The following FNDC3A variants were observed in gnomAD, a reference collection of about 807,000 sequenced individuals.
FNDC3A encodes fibronectin type-III domain-containing protein 3A.
Under a neutral mutation model 148.9 loss-of-function variants are expected in FNDC3A, and 32 were observed. The observed-to-expected ratio is 0.21, with a 90% CI of 0.16 to 0.29. The LOEUF is 0.29. Among genes scored for constraint, FNDC3A ranks in the 10% least tolerant of loss-of-function variants. The probability of loss-of-function intolerance (pLI) is 1.00; values close to 1 mark genes in which losing one functional copy is unlikely to be tolerated. For synonymous variants in FNDC3A, 472 were observed against 473.6 expected (o/e 1.00, Z 0.04); for missense variants, 1,191 against 1,452.8 (o/e 0.82, Z 2.93).
intron 1 of FNDC3A, among the ~76,000 whole-genome samples, chr13:48,997,400 G>A (rs559544127): frequency 6.6e-6 from 1 of 152,350 alleles, no homozygotes; most frequent in East Asian, 1.9e-4. Context: ...CAGCGGCTGA[G>A]TGAGAAAGCA....
intron 1 of FNDC3A, among the ~76,000 whole-genome samples, chr13:48,995,090 T>C (rs1344302488): frequency 6.6e-6 from 1 of 152,190 alleles, no homozygotes; most frequent in East Asian, 1.9e-4. Context: ...TTAAAACAAC[T>C]AATAATAATA....
At chr13:49,202,068 T>C in intron 24 of FNDC3A, 102 bp downstream of exon 24, 1 of 697,438 alleles carries the variant, frequency 1.4e-6, no homozygotes, top group Non-Finnish European at 2.2e-6. Context: ...GCATCCAGTA[T>C]ATGTCCACCA....
intron 7 of FNDC3A, among the ~76,000 whole-genome samples, chr13:49,142,968 A>C (rs1162937594): frequency 6.6e-6 from 1 of 152,038 alleles, no homozygotes. Context: ...CCCAGGTTCA[A>C]GTGATTCTTG....
chr13:49,067,848 A>C (rs1018915988), intron 2 of FNDC3A, among the ~76,000 whole-genome samples: 1 of 152,178 alleles, frequency 6.6e-6, no homozygotes, highest in African/African-American at 2.4e-5. Flanking sequence ...CTTGTGCTTT[A>C]TCTCCATGCT....
intron 3 of FNDC3A, among the ~76,000 whole-genome samples, chr13:49,107,265 G>A (rs9526522): frequency 6.6e-6 from 1 of 152,202 alleles, no homozygotes; most frequent in African/African-American, 2.4e-5. Flanking sequence ...ATGTTAGAAA[G>A]TAGAGTTATA....
intron 14 of FNDC3A, among the ~76,000 whole-genome samples, chr13:49,181,364 C>T (rs555629370): frequency 6.6e-6 from 1 of 152,288 alleles, no homozygotes; most frequent in East Asian, 1.9e-4. Context: ...CGCCTGAGAA[C>T]TTGTTAGAAA....
At chr13:49,147,322 A>G (rs913571023) in intron 8 of FNDC3A, among the ~76,000 whole-genome samples, 2 of 152,148 alleles carry the variant, frequency 1.3e-5, no homozygotes, top group African/African-American at 4.8e-5. Context: ...TACAGGAATT[A>G]AGGTCTCTAA....
intron 2 of FNDC3A, among the ~76,000 whole-genome samples, chr13:49,033,084 C>T (rs1874243999): frequency 6.6e-6 from 1 of 152,054 alleles, no homozygotes; most frequent in Non-Finnish European, 1.5e-5. Context: ...GGGATTTGTA[C>T]ACTGATGCTT....
chr13:49,096,984 G>A lies in FNDC3A; in HGVS notation c.176-17671G>A, dbSNP rs74072710. Among the ~76,000 whole-genome samples, 263 of 152,146 alleles carry A rather than the reference G, an allele frequency of 1.7e-3. 1 individual carries two copies. The highest frequency in any genetic ancestry group is 6.0e-3 in the African/African-American group (250 of 41,532). On this transcript the variant is annotated intron_variant, in intron 3 of 25. Transcript: ENST00000492622. ...CAAGCACACACAGATTAGAGGAAAC[G>A]GAAAAACTGTGATTAGAGAGGTAGC...
At chr13:49,203,357 G>C in intron 25 of FNDC3A, 73 bp downstream of exon 25, 1 of 1,131,964 alleles carries the variant, frequency 8.8e-7, no homozygotes, top group Non-Finnish European at 1.3e-6. Context: ...TTCAGTGTAA[G>C]ATTTGGCCAT....
intron 25 of FNDC3A, among the ~76,000 whole-genome samples, chr13:49,204,095 G>A (rs1886539481): frequency 6.6e-6 from 1 of 152,166 alleles, no homozygotes; most frequent in Non-Finnish European, 1.5e-5. Flanking sequence ...ATTAATAATA[G>A]TCATAATGCA....
chr13:49,015,767 A>G (rs1203650206), intron 2 of FNDC3A, among the ~76,000 whole-genome samples: 90 of 151,766 alleles, frequency 5.9e-4, no homozygotes, highest in African/African-American at 1.7e-3. Context: ...ATTATTTTGA[A>G]ATACGTCCCA....
At chr13:49,039,530 T>G (rs1874759215) in intron 2 of FNDC3A, among the ~76,000 whole-genome samples, 1 of 152,206 alleles carries the variant, frequency 6.6e-6, no homozygotes, top group South Asian at 2.1e-4. Context: ...AAATCTTATC[T>G]ATCCTCTTCT....
At chr13:49,200,117 C>T (rs547574528) in intron 23 of FNDC3A, among the ~76,000 whole-genome samples, 40 of 152,258 alleles carry the variant, frequency 2.6e-4, no homozygotes, top group African/African-American at 7.7e-4. Context: ...CTACTTTTCA[C>T]TGAATATATT....
intron 3 of FNDC3A, 80 bp from the exon 4 acceptor site, chr13:49,114,575 C>CA (rs1880808235): frequency 1.1e-6 from 1 of 920,062 alleles, no homozygotes; most frequent in African/African-American, 1.6e-5. Flanking sequence ...ATGAAGTATT[C>CA]AAAATGTAAT....
Position 49,153,832 on chromosome 13 carries a change from T to C in FNDC3A, c.977+7897T>C, listed in dbSNP as rs1221313175. On this transcript the variant is annotated intron_variant, in intron 8 of 25. Transcript: ENST00000492622. ...TTGTCAAAGATCAGATAGTTGTAGA[T>C]ATGCGGCGTTATTTCTGAGGGCTCT... is the stretch of plus-strand genomic sequence containing the variant. Among the ~76,000 whole-genome samples the C allele has an allele frequency of 3.5e-5, 4 of 114,014 alleles. No individual in the cohort carries two copies. The East Asian group carries it at 7.3e-4, about 21-fold the overall frequency. The allele number at this position is 114,014 out of a possible 152,430, so 74.8% of individuals were successfully genotyped here.
intron 10 of FNDC3A, among the ~76,000 whole-genome samples, chr13:49,171,291 G>T (rs1301802925): frequency 6.6e-6 from 1 of 152,144 alleles, no homozygotes; most frequent in Non-Finnish European, 1.5e-5. Flanking sequence ...AAACTGGATA[G>T]AGTCCAAAAA....
chr13:49,127,110 G>A (rs1262124745), intron 4 of FNDC3A, among the ~76,000 whole-genome samples: 3 of 152,158 alleles, frequency 2.0e-5, no homozygotes, highest in African/African-American at 7.2e-5. Flanking sequence ...TCCTGCTCCT[G>A]TCCAGACCCG....
At chr13:49,197,051 A>G in intron 20 of FNDC3A, 61 bp downstream of exon 20, 1 of 984,306 alleles carries the variant, frequency 1.0e-6, no homozygotes, top group Non-Finnish European at 1.6e-6. Context: ...GTTTATATAA[A>G]AGAATAAAGA....
Sources: gnomAD v4.1 joint callset for allele counts (sites outside exome capture counted in the v4.1 genomes callset) on GRCh38, gnomAD v4.1.1 for gene constraint, MANE v1.5 for transcripts, NCBI Gene and HGNC (gene_info 2026-07-23, HGNC 2026-07-21) for gene names.